CD99L2: variants seen among roughly 807,000 people sequenced by gnomAD.
CD99L2 encodes CD99 molecule like 2.
Under a neutral mutation model 27.3 loss-of-function variants are expected in CD99L2, and 24 were observed. The ratio of observed to expected loss-of-function variants is 0.88; its 90% CI spans 0.64 to 1.24. The LOEUF is 1.24. Ranked by LOEUF, CD99L2 falls within the 50% of genes most tolerant of loss-of-function variation. CD99L2 has a pLI of 0.00. For synonymous variants in CD99L2, 97 were observed against 87.9 expected (o/e 1.10, Z -0.58); for missense variants, 255 against 221.6 (o/e 1.15, Z -0.96).
At chrX:150,836,128 C>T (rs1307911870) in intron 1 of CD99L2, among the ~76,000 whole-genome samples, 1 of 111,427 alleles carries the variant, frequency 9.0e-6, no homozygotes, top group African/African-American at 3.3e-5. Context: ...TAGATGGGCA[C>T]GTAGTTTGTC....
At chrX:150,821,212 C>A (rs372771941) in intron 2 of CD99L2, among the ~76,000 whole-genome samples, 5 of 111,620 alleles carry the variant, frequency 4.5e-5, no homozygotes, top group Non-Finnish European at 9.4e-5. Flanking sequence ...ATAGCCAAAT[C>A]GATCTTTAAA....
chrX:150,881,843 C>T (rs1324441665), intron 1 of CD99L2, among the ~76,000 whole-genome samples: 2 of 96,118 alleles, frequency 2.1e-5, no homozygotes, highest in East Asian at 3.2e-4. Flanking sequence ...TTTGAGACGG[C>T]GTCTCGCTCT....
Position 150,898,505 on chromosome X carries a change from C to A in CD99L2, c.67+17G>T, listed in dbSNP as rs1369981186. On this transcript the variant is annotated intron_variant, in intron 1 of 10. Coordinates refer to ENST00000370377, the MANE Select transcript of CD99L2 (RefSeq NM_031462.4). ...GGGGTCCCCGCGCGGTCCCCGCGCGCCCCCCGCCCGCCTTACCTCGCTGGA... is the reference window on the plus strand; with the variant it reads ...GGGGTCCCCGCGCGGTCCCCGCGCGACCCCCGCCCGCCTTACCTCGCTGGA... 56 of 1,096,906 alleles carry A rather than the reference C, an allele frequency of 5.1e-5. No individual in the cohort carries two copies. Among genetic ancestry groups the A allele is most frequent in the Non-Finnish European group, 6.4e-5 (54 of 840,501 alleles). 90.4% of individuals were successfully genotyped at this position (1,096,906 alleles called of 1,213,427 possible).
intron 1 of CD99L2, among the ~76,000 whole-genome samples, chrX:150,866,759 C>T (rs2047067773): frequency 9.0e-6 from 1 of 111,389 alleles, no homozygotes. Flanking sequence ...GGTGGCTATT[C>T]TAATTACCTT....
At chrX:150,878,572 A>G (rs1557422392) in intron 1 of CD99L2, among the ~76,000 whole-genome samples, 12 of 110,486 alleles carry the variant, frequency 1.1e-4, no homozygotes, top group Non-Finnish European at 1.9e-5. Context: ...AAAAAAAAGG[A>G]AAAAAATGTT....
intron 9 of CD99L2, among the ~76,000 whole-genome samples, 200 bp from the exon 10 acceptor site, chrX:150,770,569 G>C (rs1273398452): frequency 8.9e-6 from 1 of 112,573 alleles, no homozygotes; most frequent in Non-Finnish European, 1.9e-5. Context: ...CTGCCCAGGA[G>C]TTCTCATCAT....
Position 150,768,926 on chromosome X carries a change from G to A in CD99L2, c.*108C>T, listed in dbSNP as rs1381236972. The A allele has an allele frequency of 6.6e-6, 7 of 1,068,270 alleles. No individual in the cohort carries two copies. Among genetic ancestry groups the A allele is most frequent in the Non-Finnish European group, 7.2e-6 (6 of 835,293 alleles). 88.0% of individuals were successfully genotyped at this position (1,068,270 alleles called of 1,213,427 possible). A position where few individuals can be genotyped will look rare whatever the true frequency, so the allele number is the denominator to read the frequency against. On this transcript the variant is annotated 3_prime_UTR_variant, in exon 11 of 11. Transcript: ENST00000370377. Reference sequence around the variant, plus strand: ...TCCGGGAAACTCAGACCAACAAGGAGCCGATGGCACAGAGCAGCACAGCAG... The same window carrying A: ...TCCGGGAAACTCAGACCAACAAGGAACCGATGGCACAGAGCAGCACAGCAG...
chrX:150,831,225 A>G lies in CD99L2; in HGVS notation c.130+6T>C, dbSNP rs1557421051. The G allele has an allele frequency of 1.3e-5, 15 of 1,185,330 alleles. No individual in the cohort carries two copies. The highest frequency in any genetic ancestry group is 1.6e-5 in the Non-Finnish European group (14 of 873,366). ...TTTTTAATAGTTTATTTGATTTACTACTCACGCTTTACTGAGGAAGTTTCT... is the reference window on the plus strand; with the variant it reads ...TTTTTAATAGTTTATTTGATTTACTGCTCACGCTTTACTGAGGAAGTTTCT... On this transcript the variant is annotated splice_donor_region_variant and intron_variant, in intron 2 of 10. Transcript: ENST00000370377.
At chrX:150,810,799 G>A (rs1167562113) in intron 4 of CD99L2, among the ~76,000 whole-genome samples, 1 of 111,918 alleles carries the variant, frequency 8.9e-6, no homozygotes, top group Non-Finnish European at 1.9e-5. Flanking sequence ...GAAATAAAAA[G>A]GATTTTAAGG....
chrX:150,795,266 C>T lies in CD99L2; in HGVS notation c.370G>A (p.Ala124Thr). The change falls in exon 6 of 11, where the codon GCC (alanine) becomes ACC (threonine). Residue 124 changes from alanine to threonine, a missense_variant. Physicochemically the swap from Ala to Thr is moderately conservative, Grantham distance 58. Transcript: ENST00000370377. ...TLGNDFDLAD[A>T]LDDRNDRDDG... ...TCTCGATCATTTCGATCATCCAGGG[C>T]ATCAGCCAAGTCAAAATCATTTCCT... The T allele has an allele frequency of 5.8e-6, 7 of 1,212,015 alleles. No homozygotes were observed. Among genetic ancestry groups the T allele is most frequent in the Non-Finnish European group, 7.8e-6 (7 of 895,564 alleles).
intron 1 of CD99L2, among the ~76,000 whole-genome samples, chrX:150,860,620 C>G (rs181478548): frequency 4.6e-4 from 52 of 112,118 alleles, no homozygotes; most frequent in Admixed American, 4.3e-3. Flanking sequence ...AGTAAAGTCT[C>G]AAGATACAAA....
intron 1 of CD99L2, among the ~76,000 whole-genome samples, chrX:150,850,418 C>T (rs782144286): frequency 8.5e-4 from 95 of 111,809 alleles, no homozygotes; most frequent in Non-Finnish European, 1.2e-3. Flanking sequence ...TCACAGAACA[C>T]ATGCCCCTGA....
intron 1 of CD99L2, among the ~76,000 whole-genome samples, chrX:150,882,688 A>G (rs782071105): frequency 1.8e-4 from 20 of 112,427 alleles, no homozygotes; most frequent in Non-Finnish European, 3.0e-4. Flanking sequence ...AAAATAAAAA[A>G]AAATTATATT....
chrX:150,794,679 G>A (rs1474131533), intron 6 of CD99L2, among the ~76,000 whole-genome samples: 1 of 111,555 alleles, frequency 9.0e-6, no homozygotes, highest in Non-Finnish European at 1.9e-5. Context: ...TATCCACAAG[G>A]ATCTGAAAAG....
chrX:150,895,627 C>T (rs1034360948), intron 1 of CD99L2, among the ~76,000 whole-genome samples: 5 of 111,796 alleles, frequency 4.5e-5, no homozygotes, highest in South Asian at 3.7e-4. Context: ...CTAACTGAGG[C>T]ACTTGCTTTG....
At chrX:150,885,697 G>A (rs1304418144) in intron 1 of CD99L2, among the ~76,000 whole-genome samples, 3 of 111,599 alleles carry the variant, frequency 2.7e-5, no homozygotes, top group African/African-American at 9.8e-5. Context: ...TCTACCGGAG[G>A]GTATATAATG....
intron 1 of CD99L2, among the ~76,000 whole-genome samples, chrX:150,842,894 G>A (rs1372940411): frequency 1.8e-5 from 2 of 111,803 alleles, no homozygotes; most frequent in Non-Finnish European, 3.8e-5. Context: ...CCTTAAGCAG[G>A]GACTGGCGCT....
intron 1 of CD99L2, among the ~76,000 whole-genome samples, chrX:150,867,176 G>A (rs2047074570): frequency 1.8e-5 from 2 of 110,951 alleles, no homozygotes; most frequent in South Asian, 7.6e-4. Context: ...TTGGGAGGAT[G>A]GGGCAGGCAG....
intron 2 of CD99L2, among the ~76,000 whole-genome samples, chrX:150,823,208 A>G (rs2046266421): frequency 8.9e-6 from 1 of 112,327 alleles, no homozygotes; most frequent in African/African-American, 3.2e-5. Context: ...ATGGACTAAC[A>G]CAATGTCTTA....
Sources: allele counts gnomAD v4.1 joint callset (sites outside exome capture counted in the v4.1 genomes callset), GRCh38; gene constraint gnomAD v4.1.1; transcripts MANE v1.5; gene names NCBI Gene and HGNC (gene_info 2026-07-23, HGNC 2026-07-21).